The following ACSM1 variants were observed in gnomAD, a reference collection of about 807,000 sequenced individuals.
ACSM1 encodes acyl-CoA synthetase medium chain family member 1, also known as acyl-coenzyme A synthetase ACSM1, mitochondrial.
ACSM1 carries 79 observed loss-of-function variants against 75.8 expected under a neutral mutation model. That is an observed-to-expected ratio of 1.04 (90% CI 0.87 to 1.26). ACSM1 has a LOEUF of 1.26. Among genes scored for constraint, ACSM1 ranks in the 50% most tolerant of loss-of-function variants. The pLI is 0.00. For synonymous variants in ACSM1, 279 were observed against 265.8 expected (o/e 1.05, Z -0.48); for missense variants, 676 against 720.1 (o/e 0.94, Z 0.70).
chr16:20,687,706 C>T (rs2079577993), intron 2 of ACSM1, among the ~76,000 whole-genome samples: 1 of 147,754 alleles, frequency 6.8e-6, no homozygotes, highest in Non-Finnish European at 1.5e-5. Context: ...CTAAAGGAAA[C>T]CACAGATCCA....
At chr16:20,684,662 G>C (rs2079514071) in intron 3 of ACSM1, among the ~76,000 whole-genome samples, 1 of 152,202 alleles carries the variant, frequency 6.6e-6, no homozygotes, top group Non-Finnish European at 1.5e-5. Context: ...TCAGATGCCT[G>C]CTTTTGTGTT....
chr16:20,665,196 A>G (rs2019503874), intron 6 of ACSM1, among the ~76,000 whole-genome samples: 1 of 152,156 alleles, frequency 6.6e-6, no homozygotes, highest in Non-Finnish European at 1.5e-5. Flanking sequence ...ACAAAATATC[A>G]ATGAAACTGA....
chr16:20,658,519 A>C (rs974262657), intron 7 of ACSM1, among the ~76,000 whole-genome samples: 1 of 152,022 alleles, frequency 6.6e-6, no homozygotes, highest in East Asian at 1.9e-4. Context: ...ATCCATTCCT[A>C]TCTGGCCTAG....
At chr16:20,658,868 T>G (rs887443962) in intron 7 of ACSM1, among the ~76,000 whole-genome samples, 2 of 152,202 alleles carry the variant, frequency 1.3e-5, no homozygotes, top group African/African-American at 4.8e-5. Context: ...AAATAAGATT[T>G]ATCAGAGGGT....
intron 7 of ACSM1, among the ~76,000 whole-genome samples, chr16:20,642,286 G>A (rs1297956588): frequency 1.3e-5 from 2 of 152,014 alleles, no homozygotes; most frequent in South Asian, 2.1e-4. Flanking sequence ...AGGAAAGGGA[G>A]GAAATTAAAG....
At chr16:20,673,924 C>T (rs1346962639) in intron 4 of ACSM1, 2 of 282,708 alleles carry the variant, frequency 7.1e-6, no homozygotes, top group Non-Finnish European at 1.4e-5. Context: ...GGTTGACTTG[C>T]TGAAAAATGT....
chr16:20,684,998 A>G (rs1002763989), intron 3 of ACSM1, among the ~76,000 whole-genome samples, 195 bp downstream of exon 3: 3 of 152,130 alleles, frequency 2.0e-5, no homozygotes, highest in Non-Finnish European at 4.4e-5. Flanking sequence ...CAGAGAAGAG[A>G]AATTGTTTTG....
intron 7 of ACSM1, among the ~76,000 whole-genome samples, chr16:20,653,433 C>A (rs1340923411): frequency 6.6e-6 from 1 of 151,986 alleles, no homozygotes; most frequent in African/African-American, 2.4e-5. Context: ...GAAATGAAGG[C>A]TATTCAATTA....
intron 7 of ACSM1, among the ~76,000 whole-genome samples, chr16:20,659,737 C>T (rs997396948): frequency 6.6e-6 from 1 of 152,110 alleles, no homozygotes; most frequent in Non-Finnish European, 1.5e-5. Context: ...CCAGGCACCC[C>T]TTTTAAGTCC....
At chr16:20,627,877 T>TAA (rs2017070175) in intron 10 of ACSM1, among the ~76,000 whole-genome samples, 1 of 9,306 alleles carries the variant, frequency 1.1e-4, no homozygotes, top group African/African-American at 2.2e-4. Flanking sequence ...TACATATATA[T>TAA]ATATATATAT....
At chr16:20,643,115 C>T (rs1401470235) in intron 7 of ACSM1, among the ~76,000 whole-genome samples, 1 of 152,282 alleles carries the variant, frequency 6.6e-6, no homozygotes, top group East Asian at 1.9e-4. Flanking sequence ...CCCAGAAGTA[C>T]AGGAAAAGTG....
chr16:20,690,954 G>A, intron 2 of ACSM1, 43 bp downstream of exon 2: 3 of 1,571,808 alleles, frequency 1.9e-6, no homozygotes, highest in Middle Eastern at 1.7e-4. Context: ...AGGAAAGTGA[G>A]GCCACCCTTG....
chr16:20,627,451 G>T, intron 10 of ACSM1, 135 bp from the exon 11 acceptor site: 1 of 1,029,408 alleles, frequency 9.7e-7, no homozygotes. Context: ...CCATTTCTGA[G>T]TCTATTTTCA....
intron 2 of ACSM1, among the ~76,000 whole-genome samples, chr16:20,688,971 A>G (rs2152331389): frequency 6.7e-6 from 1 of 148,536 alleles, no homozygotes; most frequent in South Asian, 2.1e-4. Flanking sequence ...ACTTATTAAC[A>G]TATATTTAAT....
Position 20,623,382 on chromosome 16 carries a change from A to C in ACSM1, c.*104T>G. 1.0e-6 allele frequency: 1 copy of C among 987,030 alleles called. No individual in the cohort carries two copies. Among genetic ancestry groups the C allele is most frequent in the East Asian group, 2.4e-5 (1 of 41,022 alleles). The allele number at this position is 987,030 out of a possible 1,614,324, so 61.1% of individuals were successfully genotyped here. On this transcript the variant is annotated 3_prime_UTR_variant, in exon 14 of 14. Coordinates refer to ENST00000520010, the MANE Select transcript of ACSM1 (RefSeq NM_001318890.3). ...TCATGGCACTCCTGATACTTTCCCA[A>C]ATCAACACTCTCAATGCCCCACCCT...
chr16:20,638,222 T>C (rs766798594), intron 8 of ACSM1, among the ~76,000 whole-genome samples: 46 of 152,210 alleles, frequency 3.0e-4, no homozygotes, highest in Non-Finnish European at 1.2e-4. Context: ...CAAAGGGTAA[T>C]AATGATAACA....
intron 6 of ACSM1, among the ~76,000 whole-genome samples, chr16:20,663,848 G>A (rs1005150164): frequency 2.6e-5 from 4 of 152,108 alleles, no homozygotes; most frequent in South Asian, 2.1e-4. Flanking sequence ...ACTAAGCTAC[G>A]TTGAAGTAGG....
At chr16:20,655,349 T>A (rs1053558951) in intron 7 of ACSM1, among the ~76,000 whole-genome samples, 1 of 151,988 alleles carries the variant, frequency 6.6e-6, no homozygotes, top group Non-Finnish European at 1.5e-5. Flanking sequence ...TATACATATG[T>A]AACAAACCTG....
rs781249020 is a variant in ACSM1 at position 20,636,809 on chromosome 16, G to C, written c.1229C>G (p.Pro410Arg). Reference sequence around the variant, plus strand: ...GATGCCAATGTTTCCTTCTGTGTTAGGTGGCAGGATGCTGCCCTTGTCATC... The same window carrying C: ...GATGCCAATGTTTCCTTCTGTGTTACGTGGCAGGATGCTGCCCTTGTCATC... ...VIDDKGSILP[P>R]NTEGNIGIRI... is the part of the protein sequence containing the mutation. The change falls in exon 10 of 14, where the codon CCT (proline) becomes CGT (arginine). Residue 410 changes from proline (P) to arginine (R), a missense_variant. Physicochemically the swap from Pro to Arg is moderately radical, Grantham distance 103. Transcript: ENST00000520010. 6.2e-7 allele frequency: 1 copy of C among 1,613,906 alleles called. No individual in the cohort carries two copies. The highest frequency in any genetic ancestry group is 1.3e-5 in the African/African-American group (1 of 74,912).
Sources: allele counts gnomAD v4.1 joint callset (sites outside exome capture counted in the v4.1 genomes callset), GRCh38; gene constraint gnomAD v4.1.1; transcripts MANE v1.5; gene names NCBI Gene and HGNC (gene_info 2026-07-23, HGNC 2026-07-21).